The following AOAH variants were observed in gnomAD, a reference collection of about 807,000 sequenced individuals.
The protein encoded by AOAH is acyloxyacyl hydrolase, also known as acyloxyacyl hydrolase (neutrophil).
Under a neutral mutation model 92.2 loss-of-function variants are expected in AOAH, and 64 were observed. The ratio of observed to expected loss-of-function variants is 0.69; its 90% CI spans 0.57 to 0.86. The LOEUF is 0.86. Ranked by LOEUF, AOAH falls within the 40% of genes least tolerant of loss-of-function variation. The pLI, the probability that AOAH is intolerant of heterozygous loss-of-function variation, is 0.00. For missense variants in AOAH, 656 were observed against 694.6 expected (o/e 0.94, Z 0.62); for synonymous variants, 263 against 254.5 (o/e 1.03, Z -0.32).
intron 12 of AOAH, among the ~76,000 whole-genome samples, chr7:36,583,620 TCA>T (rs1164635128): frequency 5.9e-5 from 9 of 152,110 alleles, no homozygotes; most frequent in African/African-American, 2.2e-4. Flanking sequence ...TCCTAGGAGT[TCA>T]CATACAAAAA....
chr7:36,615,673 C>T (rs914879566), intron 11 of AOAH, among the ~76,000 whole-genome samples: 2 of 152,194 alleles, frequency 1.3e-5, no homozygotes, highest in Non-Finnish European at 2.9e-5. Context: ...CCTGATAATG[C>T]AGCAGGTGTG....
At chr7:36,549,872 G>A (rs1208459308) in intron 13 of AOAH, among the ~76,000 whole-genome samples, 2 of 152,122 alleles carry the variant, frequency 1.3e-5, no homozygotes, top group Admixed American at 1.3e-4. Flanking sequence ...AGAATGTTAC[G>A]AGAATTACCC....
chr7:36,646,378 T>C (rs567710620), intron 4 of AOAH, among the ~76,000 whole-genome samples: 53 of 152,208 alleles, frequency 3.5e-4, no homozygotes, highest in Non-Finnish European at 1.9e-4. Flanking sequence ...TCTATTCTTA[T>C]TTATAGTATG....
At chr7:36,537,031 G>A (rs1785110760) in intron 16 of AOAH, among the ~76,000 whole-genome samples, 1 of 149,964 alleles carries the variant, frequency 6.7e-6, no homozygotes, top group Non-Finnish European at 1.5e-5. Context: ...TTGTGTGAGT[G>A]ATGAGTCCTG....
intron 2 of AOAH, among the ~76,000 whole-genome samples, chr7:36,680,099 G>A (rs1796549228): frequency 6.6e-6 from 1 of 152,084 alleles, no homozygotes; most frequent in South Asian, 2.1e-4. Context: ...TTCTGCATAG[G>A]TGACCCAGGA....
At chr7:36,591,394 A>G (rs1255470313) in intron 12 of AOAH, among the ~76,000 whole-genome samples, 1 of 152,216 alleles carries the variant, frequency 6.6e-6, no homozygotes, top group Non-Finnish European at 1.5e-5. Flanking sequence ...AACCGAATAT[A>G]AAAAGGTACT....
At chr7:36,602,057 G>A (rs1045936801) in intron 11 of AOAH, among the ~76,000 whole-genome samples, 16 of 152,172 alleles carry the variant, frequency 1.1e-4, no homozygotes, top group African/African-American at 1.9e-4. Context: ...CAACTTCAGC[G>A]AAATAAGTCA....
chr7:36,568,625 G>C (rs973163725), intron 13 of AOAH, among the ~76,000 whole-genome samples: 1 of 152,284 alleles, frequency 6.6e-6, no homozygotes, highest in East Asian at 1.9e-4. Context: ...TGCACACCCA[G>C]TTCCCCTCTC....
intron 13 of AOAH, among the ~76,000 whole-genome samples, chr7:36,561,573 GC>G (rs1479741607): frequency 4.0e-5 from 6 of 149,926 alleles, no homozygotes; most frequent in African/African-American, 1.5e-4. Context: ...GGTGGCACAC[GC>G]ATCGGCTGGG....
At chr7:36,667,826 C>T (rs1336228557) in intron 3 of AOAH, among the ~76,000 whole-genome samples, 1 of 152,234 alleles carries the variant, frequency 6.6e-6, no homozygotes, top group African/African-American at 2.4e-5. Context: ...TCCCTGATAA[C>T]TTTCCTCACT....
intron 1 of AOAH, among the ~76,000 whole-genome samples, chr7:36,709,059 A>G (rs1409698987): frequency 6.6e-6 from 1 of 152,074 alleles, no homozygotes; most frequent in African/African-American, 2.4e-5. Flanking sequence ...CCAATCAACT[A>G]GGGATATGTA....
At chr7:36,609,265 T>C (rs1232278959) in intron 11 of AOAH, among the ~76,000 whole-genome samples, 2 of 152,178 alleles carry the variant, frequency 1.3e-5, no homozygotes, top group Non-Finnish European at 2.9e-5. Flanking sequence ...ACAACTAGAA[T>C]TTTCCTAGCT....
chr7:36,688,836 T>C (rs1375772630), intron 1 of AOAH, among the ~76,000 whole-genome samples: 1 of 151,884 alleles, frequency 6.6e-6, no homozygotes, highest in African/African-American at 2.4e-5. Flanking sequence ...TATATATACA[T>C]ATATATATGT....
At chr7:36,577,024 C>CTTTTTT (rs565396541) in intron 12 of AOAH, among the ~76,000 whole-genome samples, 2 of 131,438 alleles carry the variant, frequency 1.5e-5, no homozygotes, top group Non-Finnish European at 1.6e-5. Context: ...TGTTGCCTTT[C>CTTTTTT]TTTTTTTTTT....
chr7:36,591,939 T>G (rs1338445296), intron 12 of AOAH, among the ~76,000 whole-genome samples: 1 of 152,222 alleles, frequency 6.6e-6, no homozygotes, highest in African/African-American at 2.4e-5. Flanking sequence ...TTTCATTCCT[T>G]GAGTGACTCC....
intron 12 of AOAH, among the ~76,000 whole-genome samples, chr7:36,583,921 G>T (rs112191670): frequency 2.6e-5 from 4 of 152,114 alleles, no homozygotes; most frequent in East Asian, 1.9e-4. Flanking sequence ...AGGCTGTGGA[G>T]GCTTATACAT....
At chr7:36,611,240 T>G (rs1791430535) in intron 11 of AOAH, among the ~76,000 whole-genome samples, 1 of 152,148 alleles carries the variant, frequency 6.6e-6, no homozygotes, top group Non-Finnish European at 1.5e-5. Context: ...GGTGACAAAA[T>G]GATGCTGAAA....
At chr7:36,648,371 C>T (rs2116418693) in intron 4 of AOAH, among the ~76,000 whole-genome samples, 1 of 152,136 alleles carries the variant, frequency 6.6e-6, no homozygotes, top group Non-Finnish European at 1.5e-5. Context: ...AATTTTCAGT[C>T]CTTTGATATT....
chr7:36,609,427 C>A (rs547518683), intron 11 of AOAH, among the ~76,000 whole-genome samples: 1 of 152,272 alleles, frequency 6.6e-6, no homozygotes, highest in South Asian at 2.1e-4. Flanking sequence ...TAAACTCCAG[C>A]CCTTTGAGAT....
Sources: allele counts gnomAD v4.1 joint callset (sites outside exome capture counted in the v4.1 genomes callset), GRCh38; gene constraint gnomAD v4.1.1; transcripts MANE v1.5; gene names NCBI Gene and HGNC (gene_info 2026-07-23, HGNC 2026-07-21).